Variants in TRMT11 observed in about 807,000 individuals in gnomAD.
TRMT11 encodes tRNA (guanine(10)-N(2))-methyltransferase TRMT11.
In TRMT11, 53 loss-of-function variants were observed where a neutral mutation model predicts 62.8. That is an observed-to-expected ratio of 0.84 (90% CI 0.68 to 1.06). TRMT11 has a LOEUF of 1.06. Among genes scored for constraint, TRMT11 ranks in the 50% least tolerant of loss-of-function variants. The probability of loss-of-function intolerance (pLI) is 0.00; values close to 1 mark genes in which losing one functional copy is unlikely to be tolerated. For synonymous variants in TRMT11, 188 were observed against 190.3 expected, an observed-to-expected ratio of 0.99 and a Z score of 0.10; for missense variants, 556 against 553.4, an observed-to-expected ratio of 1.00 and a Z score of -0.05.
chr6:126,026,399 T>A (rs974995991), intron 12 of TRMT11, among the ~76,000 whole-genome samples: 5 of 152,180 alleles, frequency 3.3e-5, no homozygotes, highest in African/African-American at 1.2e-4. Flanking sequence ...TTTTAATTTT[T>A]TTTTTGAGAT....
chr6:126,138,938 C>T (rs1459219900), intron 21 of TRMT11, among the ~76,000 whole-genome samples: 2 of 151,898 alleles, frequency 1.3e-5, no homozygotes, highest in African/African-American at 2.4e-5. Flanking sequence ...TATCTGGCTT[C>T]AGTAGTCTTA....
upstream of TRMT11, among the ~76,000 whole-genome samples, chr6:126,174,385 C>G (rs1266203866): frequency 1.3e-5 from 2 of 152,314 alleles, no homozygotes; most frequent in East Asian, 3.9e-4. Flanking sequence ...AATTTCGTAT[C>G]TGTACTTCTT....
intron 1 of TRMT11, among the ~76,000 whole-genome samples, chr6:125,993,032 G>A (rs1183494455): frequency 6.6e-6 from 1 of 152,064 alleles, no homozygotes; most frequent in Non-Finnish European, 1.5e-5. Flanking sequence ...CCTTCTGGTT[G>A]GGAGGAAAGG....
Position 126,012,775 on chromosome 6 carries a change from A to G in TRMT11, c.930A>G (p.Pro310=), listed in dbSNP as rs1328725884. 2 of 1,613,038 alleles carry G rather than the reference A, an allele frequency of 1.2e-6. No individual in the cohort carries two copies. The highest frequency in any genetic ancestry group is 2.7e-5 in the African/African-American group (2 of 74,888). The stretch of plus-strand genomic sequence containing the variant: ...TTACCTTTGTTTTCTGTCTAGCTCC[A>G]TATGGTATCAGAGAATCTACAAGAA... The part of the protein sequence containing the change: ...TYFDAIITDP[P]YGIRESTRRT... The change falls in exon 10 of 13, where the codon CCA becomes CCG. Residue 310 remains proline, a synonymous_variant. Coordinates refer to ENST00000334379, the MANE Select transcript of TRMT11 (RefSeq NM_001031712.3).
At chr6:126,257,872 G>A in the TRMT11 span, 9 of 1,306,036 alleles carry the variant, frequency 6.9e-6, no homozygotes, top group South Asian at 1.2e-5. Context: ...CTATGAGGTC[G>A]GGGGGACAGT....
the TRMT11 span, among the ~76,000 whole-genome samples, chr6:126,243,261 C>T: frequency 6.6e-6 from 1 of 152,110 alleles, no homozygotes; most frequent in Non-Finnish European, 1.5e-5. Context: ...GTCAGAATGG[C>T]GATCATTAAA....
the TRMT11 span, among the ~76,000 whole-genome samples, chr6:126,264,403 T>G: frequency 6.6e-6 from 1 of 152,196 alleles, no homozygotes; most frequent in African/African-American, 2.4e-5. Flanking sequence ...GTGTGTATAA[T>G]CTCACAGCAA....
intron 7 of TRMT11, chr6:126,007,031 G>T (rs1793459784): frequency 6.6e-6 from 1 of 151,992 alleles, no homozygotes; most frequent in South Asian, 2.1e-4. Flanking sequence ...AGTATTCCAA[G>T]TCATCACTTA....
the TRMT11 span, among the ~76,000 whole-genome samples, chr6:126,254,366 A>C: frequency 1.7e-4 from 26 of 152,214 alleles, no homozygotes; most frequent in African/African-American, 6.3e-4. Context: ...ACTTGTTATC[A>C]GTTTTCAACC....
At chr6:126,116,782 T>G (rs1379709920) in intron 21 of TRMT11, among the ~76,000 whole-genome samples, 2 of 152,100 alleles carry the variant, frequency 1.3e-5, no homozygotes, top group African/African-American at 4.8e-5. Context: ...TACAAACAGT[T>G]TTATACAAGC....
chr6:126,036,770 T>G (rs1481829611), intron 12 of TRMT11, among the ~76,000 whole-genome samples: 1 of 151,946 alleles, frequency 6.6e-6, no homozygotes, highest in Non-Finnish European at 1.5e-5. Context: ...CCTGGAGGAG[T>G]AGTTGATGGA....
intron 17 of TRMT11, among the ~76,000 whole-genome samples, chr6:126,094,247 A>C (rs936525302): frequency 6.6e-6 from 1 of 152,162 alleles, no homozygotes; most frequent in African/African-American, 2.4e-5. Flanking sequence ...CTCATGTGTC[A>C]CTTAGAGCAT....
chr6:126,007,335 C>T (rs973791753), intron 7 of TRMT11, among the ~76,000 whole-genome samples: 1 of 151,944 alleles, frequency 6.6e-6, no homozygotes, highest in African/African-American at 2.4e-5. Context: ...AGAGGCACTA[C>T]CCATCTTAGT....
chr6:126,183,598 G>A (rs952177133), intron 1 of TRMT11, among the ~76,000 whole-genome samples: 3 of 152,108 alleles, frequency 2.0e-5, no homozygotes, highest in Non-Finnish European at 4.4e-5. Flanking sequence ...TAAATGCTGG[G>A]GGAGTTTATT....
chr6:126,235,080 C>T, the TRMT11 span, among the ~76,000 whole-genome samples: 1 of 152,122 alleles, frequency 6.6e-6, no homozygotes, highest in Non-Finnish European at 1.5e-5. Flanking sequence ...GACATACATA[C>T]AGCCAACAAA....
intron 21 of TRMT11, among the ~76,000 whole-genome samples, chr6:126,126,578 A>G (rs1777721517): frequency 1.3e-5 from 2 of 152,084 alleles, no homozygotes; most frequent in African/African-American, 2.4e-5. Context: ...CCATGGCTCC[A>G]TTTATCAAAC....
At chr6:126,120,551 G>A (rs1777637849) in intron 21 of TRMT11, among the ~76,000 whole-genome samples, 1 of 152,038 alleles carries the variant, frequency 6.6e-6, no homozygotes, top group African/African-American at 2.4e-5. Flanking sequence ...ATTTCCCAGT[G>A]GATAATTAAA....
intron 8 of TRMT11, among the ~76,000 whole-genome samples, chr6:126,009,647 A>G (rs1157707261): frequency 1.3e-5 from 2 of 151,924 alleles, no homozygotes; most frequent in Non-Finnish European, 2.9e-5. Flanking sequence ...CCCTACCTTG[A>G]CTGTAAAGAA....
chr6:126,134,465 A>G (rs1413124322), intron 21 of TRMT11, among the ~76,000 whole-genome samples: 1 of 151,890 alleles, frequency 6.6e-6, no homozygotes, highest in African/African-American at 2.4e-5. Context: ...GTAAATACAT[A>G]TGCAACCAAC....
Sources: allele counts gnomAD v4.1 joint callset (sites outside exome capture counted in the v4.1 genomes callset), GRCh38; gene constraint gnomAD v4.1.1; transcripts MANE v1.5; gene names NCBI Gene and HGNC (gene_info 2026-07-23, HGNC 2026-07-21).